SLC35F4: variants seen among roughly 807,000 people sequenced by gnomAD.
SLC35F4 encodes the protein chromosome 14 open reading frame 36.
In SLC35F4, 24 loss-of-function variants were observed where a neutral mutation model predicts 44.2. The observed-to-expected ratio is 0.54, with a 90% CI of 0.39 to 0.76. The LOEUF (loss-of-function observed/expected upper bound fraction) is 0.76, where lower values mean the gene tolerates loss of function less well. SLC35F4 is among the 30% of genes least tolerant of loss of function. The pLI, the probability that SLC35F4 is intolerant of heterozygous loss-of-function variation, is 0.00. For missense variants in SLC35F4, 562 were observed against 586.1 expected (o/e 0.96, Z 0.42); for synonymous variants, 238 against 223.6 (o/e 1.06, Z -0.57).
At chr14:57,589,809 C>T (rs1162966253) in intron 2 of SLC35F4, among the ~76,000 whole-genome samples, 2 of 152,166 alleles carry the variant, frequency 1.3e-5, no homozygotes, top group Non-Finnish European at 2.9e-5. Context: ...ATTACACATC[C>T]CAGCCCCCAA....
chr14:57,733,360 TAA>T (rs71104585), intron 1 of SLC35F4, among the ~76,000 whole-genome samples: 27,346 of 138,294 alleles, frequency 0.2, 3,129 homozygotes, highest in East Asian at 0.29. Context: ...CAATTTTCTT[TAA>T]AAAAAAAAAA....
At chr14:57,621,120 GGACCTC>G in intron 1 of SLC35F4, among the ~76,000 whole-genome samples, 1 of 151,660 alleles carries the variant, frequency 6.6e-6, no homozygotes, top group Non-Finnish European at 1.5e-5. Flanking sequence ...GGGATGTGAA[GGACCTC>G]TTCAAGAAGA....
At chr14:57,607,858 G>C (rs969173839) in intron 1 of SLC35F4, among the ~76,000 whole-genome samples, 7 of 152,190 alleles carry the variant, frequency 4.6e-5, no homozygotes, top group Non-Finnish European at 5.9e-5. Flanking sequence ...GTATCGCAGA[G>C]ATGGAATGGA....
chr14:57,853,347 T>C (rs1258088730), intron 1 of SLC35F4, among the ~76,000 whole-genome samples: 1 of 152,228 alleles, frequency 6.6e-6, no homozygotes, highest in East Asian at 1.9e-4. Flanking sequence ...GGAATCTTGA[T>C]TGAAGCCTAT....
intron 1 of SLC35F4, among the ~76,000 whole-genome samples, chr14:57,767,710 G>C (rs894032252): frequency 1.3e-5 from 2 of 151,412 alleles, no homozygotes. Context: ...TAAATAATAA[G>C]AATCAATTGA....
At chr14:57,582,117 C>A (rs1382414574) in intron 3 of SLC35F4, among the ~76,000 whole-genome samples, 1 of 152,128 alleles carries the variant, frequency 6.6e-6, no homozygotes, top group Non-Finnish European at 1.5e-5. Context: ...ATTGTTAAAT[C>A]TTCGGTTTGT....
intron 1 of SLC35F4, among the ~76,000 whole-genome samples, chr14:57,741,333 A>C (rs995914222): frequency 6.6e-6 from 1 of 152,134 alleles, no homozygotes; most frequent in African/African-American, 2.4e-5. Flanking sequence ...AATAAGCTAA[A>C]AACCTTGAAA....
intron 1 of SLC35F4, among the ~76,000 whole-genome samples, chr14:57,952,573 CA>C (rs995407625): frequency 3.4e-4 from 52 of 151,876 alleles, no homozygotes; most frequent in African/African-American, 1.2e-3. Context: ...CTAGAATAAC[CA>C]GTTTAAAGAA....
At chr14:57,841,664 T>C (rs549610874) in intron 1 of SLC35F4, among the ~76,000 whole-genome samples, 2 of 152,256 alleles carry the variant, frequency 1.3e-5, no homozygotes, top group East Asian at 1.9e-4. Context: ...CCAGGGACTA[T>C]GGTGAAGTGC....
intron 1 of SLC35F4, among the ~76,000 whole-genome samples, chr14:57,601,085 A>G (rs1299989176): frequency 6.6e-6 from 1 of 152,078 alleles, no homozygotes; most frequent in African/African-American, 2.4e-5. Context: ...ACAGCTCTTA[A>G]TTCATTTAAT....
chr14:57,928,858 A>C (rs939221179), intron 1 of SLC35F4, among the ~76,000 whole-genome samples: 1 of 152,242 alleles, frequency 6.6e-6, no homozygotes, highest in African/African-American at 2.4e-5. Flanking sequence ...CTCAAGAAGA[A>C]GAAGAACCAA....
chr14:57,617,130 C>CTTTTTTTTTTTTTTTTTTTT (rs3054446), intron 1 of SLC35F4, among the ~76,000 whole-genome samples: 2 of 99,248 alleles, frequency 2.0e-5, no homozygotes, highest in Non-Finnish European at 3.8e-5. Context: ...TGTACTTATT[C>CTTTTTTTTTTTTTTTTTTTT]TTTTTTTTTT....
chr14:57,642,749 G>A (rs2073309167), intron 1 of SLC35F4, among the ~76,000 whole-genome samples: 1 of 151,550 alleles, frequency 6.6e-6, no homozygotes, highest in African/African-American at 2.4e-5. Context: ...TTAAATTATA[G>A]CAAATTATAA....
At chr14:57,830,080 T>C (rs1186130454) in intron 1 of SLC35F4, among the ~76,000 whole-genome samples, 1 of 152,216 alleles carries the variant, frequency 6.6e-6, no homozygotes, top group Non-Finnish European at 1.5e-5. Context: ...TTTTTAACTT[T>C]ACAAAAATAT....
chr14:57,592,159 C>T (rs1456916483), intron 2 of SLC35F4, among the ~76,000 whole-genome samples: 3 of 152,186 alleles, frequency 2.0e-5, no homozygotes, highest in Non-Finnish European at 4.4e-5. Context: ...TCCATTTCTG[C>T]GTACCTTTAT....
At chr14:57,875,972 C>G (rs142362473) in intron 1 of SLC35F4, among the ~76,000 whole-genome samples, 4 of 152,174 alleles carry the variant, frequency 2.6e-5, no homozygotes, top group African/African-American at 9.7e-5. Flanking sequence ...AAGCAATCTT[C>G]CAACCATGGG....
At chr14:57,953,770 C>A (rs1213701088) in intron 1 of SLC35F4, among the ~76,000 whole-genome samples, 1 of 152,166 alleles carries the variant, frequency 6.6e-6, no homozygotes, top group East Asian at 1.9e-4. Flanking sequence ...CACCCAGATT[C>A]ATAAAGCAAG....
chr14:57,632,348 G>A (rs1383797857), intron 1 of SLC35F4, among the ~76,000 whole-genome samples: 1 of 151,624 alleles, frequency 6.6e-6, no homozygotes, highest in Non-Finnish European at 1.5e-5. Context: ...TGTAAATCAA[G>A]CAAACATGTT....
chr14:57,919,659 G>A (rs529151259), intron 1 of SLC35F4, among the ~76,000 whole-genome samples: 2 of 152,276 alleles, frequency 1.3e-5, no homozygotes, highest in South Asian at 2.1e-4. Flanking sequence ...GGGGGTGGGG[G>A]AGCGTGGACA....
Sources: allele counts gnomAD v4.1 joint callset (sites outside exome capture counted in the v4.1 genomes callset), GRCh38; gene constraint gnomAD v4.1.1; transcripts MANE v1.5; gene names NCBI Gene and HGNC (gene_info 2026-07-23, HGNC 2026-07-21).